The following SIK3 variants were observed in gnomAD, a reference collection of about 807,000 sequenced individuals.
The protein encoded by SIK3 is SIK family kinase 3.
Under a neutral mutation model 144.2 loss-of-function variants are expected in SIK3, and 28 were observed. The observed-to-expected ratio is 0.19, with a 90% confidence interval of 0.14 to 0.27. SIK3 has a LOEUF of 0.27. SIK3 is among the 10% of genes least tolerant of loss of function. The pLI is 1.00. For missense variants in SIK3, 1,319 were observed against 1,776.0 expected, an observed-to-expected ratio of 0.74 and a Z score of 4.62; for synonymous variants, 686 against 676.3, an observed-to-expected ratio of 1.01 and a Z score of -0.22.
At chr11:116,897,064 G>C (rs1945449185) in intron 5 of SIK3, 129 bp downstream of exon 5, 6 of 970,334 alleles carry the variant, frequency 6.2e-6, no homozygotes, top group Non-Finnish European at 8.9e-6. Flanking sequence ...ACAGGAATTG[G>C]GACTTGAAAG....
At chr11:117,073,935 A>C (rs1437146460) in intron 1 of SIK3, among the ~76,000 whole-genome samples, 1 of 152,240 alleles carries the variant, frequency 6.6e-6, no homozygotes, top group Non-Finnish European at 1.5e-5. Flanking sequence ...TATTTTTAAG[A>C]GACAGGGTCT....
intron 1 of SIK3, among the ~76,000 whole-genome samples, chr11:117,055,522 G>A (rs989916721): frequency 1.3e-5 from 2 of 152,228 alleles, no homozygotes; most frequent in African/African-American, 4.8e-5. Flanking sequence ...TTTGGATGAG[G>A]GAACAGAAGA....
rs780692335 is a variant in SIK3 at position 116,967,003 on chromosome 11, C to CAA, written c.274-9941_274-9940dup. Among the ~76,000 whole-genome samples the CAA allele has an allele frequency of 4.0e-4, 40 of 100,128 alleles. 1 individual carries two copies. The South Asian group carries it at 8.7e-3, about 22-fold the overall frequency. 65.7% of individuals were successfully genotyped at this position (100,128 alleles called of 152,430 possible). On this transcript the variant is annotated intron_variant, in intron 1 of 24. Coordinates refer to ENST00000445177, the MANE Select transcript of SIK3 (RefSeq NM_001366686.3). Reference sequence around the variant, plus strand: ...CTGGTGACAGAGCAAGACTCTGTTTCAAAAAAAAAAAGAAAAAGAAAAAGA... The same window carrying CAA: ...CTGGTGACAGAGCAAGACTCTGTTTCAAAAAAAAAAAAAGAAAAAGAAAAAGA...
chr11:116,972,103 GA>G (rs1949783178), intron 1 of SIK3, among the ~76,000 whole-genome samples: 1 of 140,558 alleles, frequency 7.1e-6, no homozygotes, highest in Admixed American at 7.0e-5. Flanking sequence ...AAAAAAAAAA[GA>G]AAAGAATAAT....
chr11:116,862,362 G>A, intron 16 of SIK3, 35 bp from the exon 17 acceptor site: 1 of 1,612,588 alleles, frequency 6.2e-7, no homozygotes, highest in Admixed American at 1.7e-5. Flanking sequence ...ATGGGATGCA[G>A]CCAGACCCGC....
At chr11:117,035,100 G>A (rs1952437269) in intron 1 of SIK3, among the ~76,000 whole-genome samples, 1 of 151,910 alleles carries the variant, frequency 6.6e-6, no homozygotes, top group Admixed American at 6.6e-5. Flanking sequence ...TTCCAGTTCT[G>A]GGCTATAATC....
At chr11:116,874,939 C>T (rs1331553292) in intron 11 of SIK3, among the ~76,000 whole-genome samples, 2 of 152,172 alleles carry the variant, frequency 1.3e-5, no homozygotes, top group African/African-American at 4.8e-5. Context: ...TTTGGGAAAA[C>T]ACTTTGGGAA....
intron 1 of SIK3, among the ~76,000 whole-genome samples, chr11:117,029,109 A>C (rs146943088): frequency 0.073 from 11,038 of 152,154 alleles, 493 homozygotes; most frequent in Middle Eastern, 0.11. Flanking sequence ...AGGTTTCACC[A>C]TGCTGGCCAG....
At chr11:116,856,571 C>T (rs1412643319) in intron 21 of SIK3, among the ~76,000 whole-genome samples, 1 of 152,196 alleles carries the variant, frequency 6.6e-6, no homozygotes, top group Non-Finnish European at 1.5e-5. Flanking sequence ...CTGAAAGCTC[C>T]CACCCTCCTA....
intron 1 of SIK3, among the ~76,000 whole-genome samples, chr11:117,081,348 G>A (rs529033155): frequency 1.3e-5 from 2 of 152,294 alleles, no homozygotes; most frequent in South Asian, 2.1e-4. Context: ...TAGAGGCCGG[G>A]CGCAGTGGCT....
chr11:116,995,551 G>A (rs959452655), intron 1 of SIK3, among the ~76,000 whole-genome samples: 12 of 151,866 alleles, frequency 7.9e-5, no homozygotes, highest in Admixed American at 1.3e-4. Context: ...GGTATGAGCC[G>A]CCACACCCGG....
At chr11:116,950,331 T>C (rs1948874674) in intron 3 of SIK3, 2 of 334,180 alleles carry the variant, frequency 6.0e-6, no homozygotes, top group South Asian at 4.5e-5. Context: ...AGGAGACCAT[T>C]GTTTTCGAAT....
intron 1 of SIK3, among the ~76,000 whole-genome samples, chr11:117,001,056 T>C (rs148987680): frequency 3.3e-5 from 5 of 152,388 alleles, no homozygotes; most frequent in African/African-American, 1.2e-4. Flanking sequence ...AACTAGATTA[T>C]AATATCACTA....
chr11:116,956,719 CAAA>C (rs1010024107), intron 2 of SIK3, among the ~76,000 whole-genome samples: 4 of 151,964 alleles, frequency 2.6e-5, no homozygotes, highest in African/African-American at 9.7e-5. Flanking sequence ...TTTTAAAGAA[CAAA>C]TTAAAAAGAC....
chr11:116,987,300 T>C (rs1374328103), intron 1 of SIK3, among the ~76,000 whole-genome samples: 1 of 145,828 alleles, frequency 6.9e-6, no homozygotes, highest in Admixed American at 7.1e-5. Flanking sequence ...AATGTGTGTA[T>C]TGTATGTCTT....
chr11:116,890,771 A>G (rs921869439), intron 6 of SIK3, among the ~76,000 whole-genome samples: 3 of 152,114 alleles, frequency 2.0e-5, no homozygotes, highest in Admixed American at 6.5e-5. Context: ...GGGAAGATGT[A>G]TTCTCGGCAG....
intron 1 of SIK3, among the ~76,000 whole-genome samples, chr11:116,994,289 T>C (rs758434900): frequency 3.3e-5 from 5 of 152,170 alleles, no homozygotes; most frequent in East Asian, 1.9e-4. Context: ...CTAAGCCACA[T>C]TGTAGGTAAG....
intron 1 of SIK3, among the ~76,000 whole-genome samples, chr11:117,052,647 T>G (rs559064681): frequency 6.6e-6 from 1 of 152,268 alleles, no homozygotes; most frequent in Non-Finnish European, 1.5e-5. Context: ...GCAGCCTTTG[T>G]GGCCTTGGAT....
chr11:116,988,408 A>C (rs564288800), intron 1 of SIK3, among the ~76,000 whole-genome samples: 107 of 152,130 alleles, frequency 7.0e-4, no homozygotes, highest in Middle Eastern at 6.8e-3. Context: ...AAAAAGAAAA[A>C]TGAAGTAACT....
Sources: gnomAD v4.1 joint callset for allele counts (sites outside exome capture counted in the v4.1 genomes callset) on GRCh38, gnomAD v4.1.1 for gene constraint, MANE v1.5 for transcripts, NCBI Gene and HGNC (gene_info 2026-07-23, HGNC 2026-07-21) for gene names.